The following AKT2 variants were observed in gnomAD, a reference collection of about 807,000 sequenced individuals.
The protein encoded by AKT2 is AKT serine/threonine kinase 2.
Under a neutral mutation model 58.6 loss-of-function variants are expected in AKT2, and 16 were observed. The observed-to-expected ratio is 0.27, with a 90% CI of 0.18 to 0.41. AKT2 has a LOEUF of 0.41. AKT2 is among the 10% of genes least tolerant of loss of function. The pLI is 1.00. For synonymous variants in AKT2, 253 were observed against 254.0 expected (o/e 1.00, Z 0.04); for missense variants, 438 against 661.0 (o/e 0.66, Z 3.70).
Position 40,231,090 on chromosome 19 carries a change from C to G in AKT2, c.*2782G>C, listed in dbSNP as rs1392766614. 1 of 182,786 alleles carries G rather than the reference C, an allele frequency of 5.5e-6. No homozygotes were observed. The highest frequency in any genetic ancestry group is 6.6e-5 in the Admixed American group (1 of 15,140). 11.3% of individuals were successfully genotyped at this position (182,786 alleles called of 1,614,324 possible). On this transcript the variant is annotated 3_prime_UTR_variant, in exon 14 of 14. Coordinates refer to ENST00000392038, the MANE Select transcript of AKT2 (RefSeq NM_001626.6). ...ATGTACATTGCAAAAGACGATTATT[C>G]TACTCAAAATTTATTTGGTAAGATT...
chr19:40,245,282 TAATCCCTGC>T (rs1974674228), intron 4 of AKT2, among the ~76,000 whole-genome samples: 1 of 152,164 alleles, frequency 6.6e-6, no homozygotes, highest in Non-Finnish European at 1.5e-5. Flanking sequence ...CTCACTCATG[TAATCCCTGC>T]AATTTAGGAG....
intron 1 of AKT2, among the ~76,000 whole-genome samples, chr19:40,268,002 G>A (rs866620555): frequency 1.3e-5 from 2 of 152,180 alleles, no homozygotes; most frequent in Non-Finnish European, 1.5e-5. Context: ...GCAAGGACCT[G>A]AGGCAGGAGG....
chr19:40,239,357 TG>T, intron 7 of AKT2: 2 of 242,008 alleles, frequency 8.3e-6, no homozygotes, highest in South Asian at 1.2e-4. Flanking sequence ...AATGACAGGA[TG>T]GACAGGCTGT....
intron 1 of AKT2, among the ~76,000 whole-genome samples, chr19:40,273,330 G>GAAAAAA (rs2077250264): frequency 6.9e-6 from 1 of 145,274 alleles, no homozygotes; most frequent in Non-Finnish European, 1.5e-5. Flanking sequence ...GACAGAGCAA[G>GAAAAAA]ACTCCATCTC....
intron 1 of AKT2, chr19:40,274,596 G>A (rs2077275130): frequency 5.5e-6 from 1 of 182,714 alleles, no homozygotes; most frequent in African/African-American, 2.3e-5. Flanking sequence ...CAGGGAAAGG[G>A]AGCAGGGGTT....
intron 1 of AKT2, among the ~76,000 whole-genome samples, chr19:40,280,121 T>C (rs2077397662): frequency 6.6e-6 from 1 of 152,332 alleles, no homozygotes; most frequent in Non-Finnish European, 1.5e-5. Flanking sequence ...AGCCCTGGTC[T>C]TTCCAATTCC....
At chr19:40,282,628 C>A in intron 1 of AKT2, 1 of 439,254 alleles carries the variant, frequency 2.3e-6, no homozygotes, top group East Asian at 6.9e-5. Flanking sequence ...TATGTCTTTC[C>A]TTCCTTTCAC....
chr19:40,238,859 A>C lies in AKT2; in HGVS notation c.708+46T>G. ...GCTCCTCTCCATCCCGCCCCACCCT[A>C]AAGAAGGAGGCCCCAGAGGGCAAAG... On this transcript the variant is annotated intron_variant, in intron 8 of 13. Coordinates refer to ENST00000392038, the MANE Select transcript of AKT2 (RefSeq NM_001626.6). This position sits in a 1 kb window ranked among gnomAD's most constrained non-coding sequence, Gnocchi z 5.1. 6.3e-7 allele frequency: 1 copy of C among 1,583,116 alleles called. No homozygotes were observed. The highest frequency in any genetic ancestry group is 8.7e-7 in the Non-Finnish European group (1 of 1,152,498).
At chr19:40,255,721 A>C (rs1041056481) in intron 3 of AKT2, among the ~76,000 whole-genome samples, 11 of 151,910 alleles carry the variant, frequency 7.2e-5, no homozygotes, top group Non-Finnish European at 1.3e-4. Flanking sequence ...GGGGTAAGTG[A>C]GAGACAGCCC....
chr19:40,283,153 T>C (rs923698397), intron 1 of AKT2: 9 of 152,592 alleles, frequency 5.9e-5, no homozygotes, highest in Admixed American at 5.9e-4. Flanking sequence ...GCTCTGGAAA[T>C]GATCTGCCTC....
intron 3 of AKT2, among the ~76,000 whole-genome samples, chr19:40,256,178 T>C (rs1049685223): frequency 5.9e-5 from 9 of 152,082 alleles, no homozygotes; most frequent in African/African-American, 2.2e-4. Flanking sequence ...TGGGAACAGA[T>C]GTGTCAGGGT....
intron 1 of AKT2, chr19:40,274,688 G>A (rs962656062): frequency 5.5e-5 from 14 of 252,686 alleles, no homozygotes; most frequent in South Asian, 1.5e-4. Flanking sequence ...TGAGAGAGCC[G>A]GGGGAGACCT....
intron 1 of AKT2, 112 bp from the exon 2 acceptor site, chr19:40,265,463 G>C (rs558596168): frequency 7.0e-7 from 1 of 1,421,702 alleles, no homozygotes; most frequent in South Asian, 1.4e-5. Context: ...TCAGCAAAGG[G>C]TAAGGCCAGC....
intron 4 of AKT2, among the ~76,000 whole-genome samples, chr19:40,246,260 A>C (rs1234273996): frequency 6.6e-6 from 1 of 152,026 alleles, no homozygotes; most frequent in Non-Finnish European, 1.5e-5. Flanking sequence ...CAGCCTCCAG[A>C]GTAGCTGGAA....
At position 40,282,708 on chromosome 19, in the gene AKT2, C is replaced by T. The variant is rs373013888; in HGVS notation, c.-85+2473G>A. 47 of 357,658 alleles carry T rather than the reference C, an allele frequency of 1.3e-4. 1 individual carries two copies. Among genetic ancestry groups the T allele is most frequent in the African/African-American group, 9.4e-4 (43 of 45,878 alleles). The allele number at this position is 357,658 out of a possible 1,614,324, so 22.2% of individuals were successfully genotyped here. On this transcript the variant is annotated intron_variant, in intron 1 of 13. Transcript: ENST00000392038. ...TCAGTGACCTGGGTTCAAATCCTAC[C>T]CTGGCACCCATAGGGTCTGATAAGA...
In AKT2 at chr19:40,238,742, C is replaced by T. The variant is rs935183635; in HGVS notation, c.708+163G>A. Reference sequence around the variant, plus strand: ...TAACCTCTCTGAGCCTCAGTGACTGCCCCCCCAAAATGGAGACGAAGCCGC... The same window carrying T: ...TAACCTCTCTGAGCCTCAGTGACTGTCCCCCCAAAATGGAGACGAAGCCGC... On this transcript the variant is annotated intron_variant, in intron 8 of 13. Transcript: ENST00000392038. This position sits in a 1 kb window ranked among gnomAD's most constrained non-coding sequence, Gnocchi z 5.1. Among the ~76,000 whole-genome samples the T allele has an allele frequency of 6.6e-6, 1 of 151,986 alleles. No individual in the cohort carries two copies. The highest frequency in any genetic ancestry group is 2.4e-5 in the African/African-American group (1 of 41,392).
chr19:40,264,724 C>G (rs1976218551), intron 2 of AKT2, among the ~76,000 whole-genome samples: 3 of 152,020 alleles, frequency 2.0e-5, no homozygotes, highest in Admixed American at 2.0e-4. Context: ...CCCCCCCGCC[C>G]CCAGCCCATT....
chr19:40,266,596 G>A (rs1243932607), intron 1 of AKT2, among the ~76,000 whole-genome samples: 2 of 152,142 alleles, frequency 1.3e-5, no homozygotes, highest in Non-Finnish European at 2.9e-5. Context: ...CCAGCAACAT[G>A]CCCGGCACCC....
In AKT2 at chr19:40,240,419, G is replaced by C. The variant is rs143744952; in HGVS notation, c.574-309C>G. On this transcript the variant is annotated intron_variant, in intron 6 of 13. Transcript: ENST00000392038. ...GACAAACAGACATCACGAGAGCCCC[G>C]AGGTGCCACCACAGGCTGTGGGAAG... 1.2e-3 allele frequency: 703 copies of C among 580,354 alleles called. 5 individuals are homozygous for C. The highest frequency in any genetic ancestry group is 0.011 in the African/African-American group (610 of 53,920). The allele number at this position is 580,354 out of a possible 1,614,324, so 36.0% of individuals were successfully genotyped here. A position where few individuals can be genotyped will look rare whatever the true frequency, so the allele number is the denominator to read the frequency against.
Sources: allele counts gnomAD v4.1 joint callset (sites outside exome capture counted in the v4.1 genomes callset), GRCh38; gene constraint gnomAD v4.1.1; non-coding constraint Gnocchi (gnomAD v3.1); transcripts MANE v1.5; gene names NCBI Gene and HGNC (gene_info 2026-07-23, HGNC 2026-07-21).